AGBL1: variants seen among roughly 807,000 people sequenced by gnomAD.
AGBL1 encodes AGBL carboxypeptidase 1.
Under a neutral mutation model 118.9 loss-of-function variants are expected in AGBL1, and 130 were observed. The observed-to-expected ratio is 1.09, with a 90% CI of 0.95 to 1.26. The LOEUF is 1.26. Among genes scored for constraint, AGBL1 ranks in the 50% most tolerant of loss-of-function variants. The probability of loss-of-function intolerance (pLI) is 0.00; values close to 1 mark genes in which losing one functional copy is unlikely to be tolerated. For synonymous variants in AGBL1, 555 were observed against 478.9 expected (o/e 1.16, Z -2.08); for missense variants, 1,584 against 1,298.1 (o/e 1.22, Z -3.38).
At chr15:86,738,271 C>T (rs1348645439) in intron 22 of AGBL1, among the ~76,000 whole-genome samples, 1 of 152,118 alleles carries the variant, frequency 6.6e-6, no homozygotes, top group Non-Finnish European at 1.5e-5. Flanking sequence ...CAGCTAACAT[C>T]ATACTTGAAT....
At chr15:86,646,036 C>T (rs2085273358) in intron 21 of AGBL1, among the ~76,000 whole-genome samples, 1 of 152,166 alleles carries the variant, frequency 6.6e-6, no homozygotes, top group Non-Finnish European at 1.5e-5. Flanking sequence ...TGTGTAATAT[C>T]CCTGCTCTCT....
At chr15:86,629,644 A>C (rs1480802660) in intron 21 of AGBL1, among the ~76,000 whole-genome samples, 1 of 152,202 alleles carries the variant, frequency 6.6e-6, no homozygotes, top group Non-Finnish European at 1.5e-5. Flanking sequence ...CAAAGGTTTA[A>C]TTTTTTATGT....
At chr15:86,356,202 G>A (rs1187545058) in intron 17 of AGBL1, among the ~76,000 whole-genome samples, 1 of 152,164 alleles carries the variant, frequency 6.6e-6, no homozygotes, top group Non-Finnish European at 1.5e-5. Context: ...GTGAGAAATA[G>A]AGACTGATGG....
chr15:86,857,133 C>T (rs986510583), intron 22 of AGBL1, among the ~76,000 whole-genome samples: 1 of 152,160 alleles, frequency 6.6e-6, no homozygotes, highest in African/African-American at 2.4e-5. Context: ...AATCCTTCTC[C>T]GGTTTATCCA....
chr15:86,147,688 A>G (rs1463755935), intron 3 of AGBL1, among the ~76,000 whole-genome samples: 1 of 152,218 alleles, frequency 6.6e-6, no homozygotes, highest in Non-Finnish European at 1.5e-5. Context: ...GCATAGCTGA[A>G]CAAAAGGCAG....
At chr15:86,640,285 G>T (rs1030751637) in intron 21 of AGBL1, among the ~76,000 whole-genome samples, 8 of 152,058 alleles carry the variant, frequency 5.3e-5, no homozygotes, top group Non-Finnish European at 1.2e-4. Flanking sequence ...AATAGAGTGG[G>T]AATATCACAT....
chr15:86,131,036 A>G lies in AGBL1; in HGVS notation c.52-10968A>G, dbSNP rs191423878. Among the ~76,000 whole-genome samples, 10 of 152,302 alleles carry G rather than the reference A, an allele frequency of 6.6e-5. No individual in the cohort carries two copies. In the East Asian group the frequency reaches 1.9e-3, roughly 29 times the overall value. ...GAGAGCTTAATTGACTGTCTACTGG[A>G]CCACCATATGGGTCTTTCCGTATGG... On this transcript the variant is annotated intron_variant, in intron 1 of 22. Coordinates refer to ENST00000614907, the MANE Select transcript of AGBL1 (RefSeq NM_001386094.1).
chr15:86,454,307 T>C (rs1451724652), intron 18 of AGBL1, among the ~76,000 whole-genome samples: 2 of 152,204 alleles, frequency 1.3e-5, no homozygotes, highest in Admixed American at 1.3e-4. Context: ...CGATTGGAAC[T>C]CTCTTACGTG....
intron 17 of AGBL1, among the ~76,000 whole-genome samples, chr15:86,351,200 A>G (rs182647985): frequency 4.6e-5 from 7 of 152,290 alleles, no homozygotes; most frequent in Admixed American, 1.3e-4. Flanking sequence ...TTCTTCTTGC[A>G]TTATCCCATG....
At position 86,380,273 on chromosome 15, in the gene AGBL1, CTTCCT is replaced by C. The variant is rs1177088220; in HGVS notation, c.2375-17090_2375-17086del. ...CCTCCCTCCCTTTCTTCCTTCCTTC[CTTCCT>C]TTTTTTTTTTTTCTTTTTCTTTTTG... On this transcript the variant is annotated intron_variant, in intron 17 of 22. Transcript: ENST00000614907. Among the ~76,000 whole-genome samples the C allele has an allele frequency of 2.1e-3, 289 of 137,658 alleles. 1 individual carries two copies. Among genetic ancestry groups the C allele is most frequent in the African/African-American group, 6.3e-3 (215 of 33,948 alleles). 90.3% of individuals were successfully genotyped at this position (137,658 alleles called of 152,430 possible).
chr15:86,526,730 G>T (rs1269141158), intron 19 of AGBL1, among the ~76,000 whole-genome samples: 3 of 151,706 alleles, frequency 2.0e-5, no homozygotes, highest in African/African-American at 7.3e-5. Flanking sequence ...GAATGGAACT[G>T]GAGGCCATTA....
At chr15:86,132,734 G>A (rs1162631359) in intron 1 of AGBL1, among the ~76,000 whole-genome samples, 1 of 152,176 alleles carries the variant, frequency 6.6e-6, no homozygotes, top group South Asian at 2.1e-4. Context: ...GACCACGAAC[G>A]TGCCGGGCAT....
chr15:87,028,536 A>G (rs755012440), intron 24 of AGBL1, among the ~76,000 whole-genome samples: 5 of 151,968 alleles, frequency 3.3e-5, no homozygotes, highest in Non-Finnish European at 5.9e-5. Flanking sequence ...TAAATCATCC[A>G]TTCATTAAAA....
At chr15:86,199,533 G>C (rs1034513450) in intron 5 of AGBL1, among the ~76,000 whole-genome samples, 1 of 152,174 alleles carries the variant, frequency 6.6e-6, no homozygotes, top group Non-Finnish European at 1.5e-5. Flanking sequence ...TCCCCGTCTG[G>C]TCCTCGTGCA....
chr15:86,138,972 G>C (rs980140898), intron 1 of AGBL1, among the ~76,000 whole-genome samples: 1 of 152,118 alleles, frequency 6.6e-6, no homozygotes, highest in Middle Eastern at 3.2e-3. Flanking sequence ...CCAAATAATA[G>C]ATCAGTTGCT....
chr15:86,672,232 T>C (rs573629381), intron 21 of AGBL1, among the ~76,000 whole-genome samples: 49 of 152,352 alleles, frequency 3.2e-4, no homozygotes, highest in African/African-American at 1.1e-3. Flanking sequence ...GTTCCTTTAA[T>C]CAAGGTCTTC....
intron 23 of AGBL1, among the ~76,000 whole-genome samples, chr15:86,965,667 G>A (rs192824614): frequency 1.9e-4 from 29 of 152,164 alleles, no homozygotes; most frequent in Admixed American, 1.0e-3. Flanking sequence ...GGAATACTAT[G>A]CAGCCATAAA....
chr15:86,130,491 G>A (rs539535203), intron 1 of AGBL1, among the ~76,000 whole-genome samples: 2 of 152,002 alleles, frequency 1.3e-5, no homozygotes, highest in South Asian at 4.2e-4. Context: ...AAAGTAAATG[G>A]CTTCTCTAAA....
chr15:86,969,159 A>G (rs2081082897), intron 23 of AGBL1, among the ~76,000 whole-genome samples: 1 of 151,944 alleles, frequency 6.6e-6, no homozygotes, highest in Non-Finnish European at 1.5e-5. Context: ...CTCAAAATTT[A>G]AAGTTCAAAG....
Sources: allele counts gnomAD v4.1 joint callset (sites outside exome capture counted in the v4.1 genomes callset), GRCh38; gene constraint gnomAD v4.1.1; transcripts MANE v1.5; gene names NCBI Gene and HGNC (gene_info 2026-07-23, HGNC 2026-07-21).